Variants in RNF182 observed in about 807,000 individuals in gnomAD.
The protein encoded by RNF182 is ring finger protein 182.
Under a neutral mutation model 14.4 loss-of-function variants are expected in RNF182, and 15 were observed. The ratio of observed to expected loss-of-function variants is 1.04; its 90% CI spans 0.70 to 1.60. RNF182 has a LOEUF of 1.60. Ranked by LOEUF, RNF182 falls within the 40% of genes most tolerant of loss-of-function variation. RNF182 has a pLI of 0.00. For missense variants in RNF182, 268 were observed against 294.8 expected (o/e 0.91, Z 0.67); for synonymous variants, 128 against 122.9 (o/e 1.04, Z -0.27).
chr6:13,947,184 A>G (rs1045479050), intron 1 of RNF182, among the ~76,000 whole-genome samples: 3 of 152,168 alleles, frequency 2.0e-5, no homozygotes, highest in Admixed American at 1.3e-4. Flanking sequence ...ATCATGCCTC[A>G]TGTTTCTTTT....
At chr6:13,953,529 G>A (rs1393869875) in intron 1 of RNF182, among the ~76,000 whole-genome samples, 1 of 152,156 alleles carries the variant, frequency 6.6e-6, no homozygotes, top group Non-Finnish European at 1.5e-5. Flanking sequence ...AGTGGAGGAA[G>A]AGTCCAGTGT....
intron 1 of RNF182, among the ~76,000 whole-genome samples, chr6:13,960,000 T>C (rs1759826940): frequency 2.0e-5 from 3 of 151,004 alleles, no homozygotes; most frequent in South Asian, 4.2e-4. Flanking sequence ...AGAGATTTGA[T>C]AGAAGAGGAG....
At chr6:13,976,377 T>G (rs1760324131) in intron 2 of RNF182, among the ~76,000 whole-genome samples, 1 of 152,208 alleles carries the variant, frequency 6.6e-6, no homozygotes. Flanking sequence ...ACTGAGAAGG[T>G]AAGAACAGTC....
chr6:13,967,458 T>TGATA (rs1249191069), intron 1 of RNF182, among the ~76,000 whole-genome samples: 1 of 152,226 alleles, frequency 6.6e-6, no homozygotes, highest in African/African-American at 2.4e-5. Flanking sequence ...TTTTGACCTG[T>TGATA]GATAACCTTG....
chr6:13,979,297 AAAC>A lies in RNF182; in HGVS notation c.*1436_*1438del, dbSNP rs1449259404. On this transcript the variant is annotated 3_prime_UTR_variant, in exon 3 of 3. Coordinates refer to ENST00000488300, the MANE Select transcript of RNF182 (RefSeq NM_152737.4). Reference sequence around the variant, plus strand: ...ACAGAAACTAGGCAAAAATTTAAAAAAACATTCTAGTCTCTAAAACCCATTACT... The same window carrying A: ...ACAGAAACTAGGCAAAAATTTAAAAAATTCTAGTCTCTAAAACCCATTACT... 2 of 166,508 alleles carry A rather than the reference AAAC, an allele frequency of 1.2e-5. No homozygotes were observed. Among genetic ancestry groups the A allele is most frequent in the South Asian group, 2.1e-4 (1 of 4,834 alleles). 10.3% of individuals were successfully genotyped at this position (166,508 alleles called of 1,614,324 possible). A position where few individuals can be genotyped will look rare whatever the true frequency, so the allele number is the denominator to read the frequency against.
chr6:13,975,343 G>A (rs1760296167), intron 2 of RNF182, among the ~76,000 whole-genome samples: 1 of 152,146 alleles, frequency 6.6e-6, no homozygotes, highest in African/African-American at 2.4e-5. Context: ...GGGAAATTAG[G>A]GCACATGGAA....
At chr6:13,933,466 A>G (rs891304450) in intron 1 of RNF182, among the ~76,000 whole-genome samples, 6 of 151,960 alleles carry the variant, frequency 3.9e-5, no homozygotes, top group Admixed American at 3.3e-4. Flanking sequence ...TCAGGTTTCC[A>G]TGAGCCATGA....
chr6:13,958,404 T>G (rs1221516949), intron 1 of RNF182, among the ~76,000 whole-genome samples: 1 of 151,996 alleles, frequency 6.6e-6, no homozygotes, highest in Non-Finnish European at 1.5e-5. Flanking sequence ...ATAATAATAA[T>G]AAAATCTATA....
intron 1 of RNF182, among the ~76,000 whole-genome samples, chr6:13,957,702 CT>C (rs1759764821): frequency 6.6e-6 from 1 of 152,210 alleles, no homozygotes; most frequent in Non-Finnish European, 1.5e-5. Flanking sequence ...AAAATAATAC[CT>C]TTGTGGCTTT....
chr6:13,932,634 G>C (rs1759001803), intron 1 of RNF182, among the ~76,000 whole-genome samples: 2 of 152,060 alleles, frequency 1.3e-5, no homozygotes, highest in East Asian at 3.9e-4. Flanking sequence ...AATTAATATT[G>C]TATAGACATA....
chr6:13,949,488 A>C, intron 1 of RNF182: 1 of 591,610 alleles, frequency 1.7e-6, no homozygotes, highest in Non-Finnish European at 3.1e-6. Context: ...GGTTATAAGA[A>C]AAAATTACGG....
chr6:13,953,031 A>G (rs1269295862), intron 1 of RNF182, among the ~76,000 whole-genome samples: 2 of 152,186 alleles, frequency 1.3e-5, no homozygotes, highest in Non-Finnish European at 2.9e-5. Context: ...GCAAAACTTA[A>G]ACTAAGAATG....
chr6:13,967,951 A>G (rs1296207801), intron 1 of RNF182, among the ~76,000 whole-genome samples: 2 of 152,206 alleles, frequency 1.3e-5, no homozygotes, highest in South Asian at 2.1e-4. Context: ...TCCACAAGCT[A>G]TGGGATAGAG....
At chr6:13,940,980 A>G (rs1490773644) in intron 1 of RNF182, among the ~76,000 whole-genome samples, 1 of 152,032 alleles carries the variant, frequency 6.6e-6, no homozygotes, top group East Asian at 1.9e-4. Context: ...TATGGCCTGG[A>G]TATGATCATT....
chr6:13,937,321 G>C (rs1370917942), intron 1 of RNF182, among the ~76,000 whole-genome samples: 2 of 152,130 alleles, frequency 1.3e-5, no homozygotes, highest in Non-Finnish European at 2.9e-5. Flanking sequence ...GCCTTTTTCA[G>C]TTATTACCTG....
At chr6:13,938,004 G>GTTTTTTTTTTTTTTT (rs70989897) in intron 1 of RNF182, among the ~76,000 whole-genome samples, 1 of 79,598 alleles carries the variant, frequency 1.3e-5, no homozygotes, top group Non-Finnish European at 2.2e-5. Flanking sequence ...TTTTCTTACT[G>GTTTTTTTTTTTTTTT]TTTTTTTTTT....
In RNF182 at chr6:13,976,994, T is replaced by C; in HGVS notation, c.-126T>C. 9.8e-7 allele frequency: 1 copy of C among 1,017,980 alleles called. No individual in the cohort carries two copies. The highest frequency in any genetic ancestry group is 1.4e-6 in the Non-Finnish European group (1 of 691,736). The allele number at this position is 1,017,980 out of a possible 1,614,324, so 63.1% of individuals were successfully genotyped here. A position where few individuals can be genotyped will look rare whatever the true frequency, so the allele number is the denominator to read the frequency against. On this transcript the variant is annotated 5_prime_UTR_variant, in exon 3 of 3. Transcript: ENST00000488300. Reference sequence around the variant, plus strand: ...ATGCCTGGAAGATTTCTGGTTTCTTTCACTACTTATCCTGCCTTTTTGCAT... The same window carrying C: ...ATGCCTGGAAGATTTCTGGTTTCTTCCACTACTTATCCTGCCTTTTTGCAT...
At chr6:13,966,093 A>G (rs1436274312) in intron 1 of RNF182, among the ~76,000 whole-genome samples, 1 of 152,254 alleles carries the variant, frequency 6.6e-6, no homozygotes, top group East Asian at 1.9e-4. Flanking sequence ...ATACAAAAGA[A>G]TAGTCTATAG....
intron 1 of RNF182, among the ~76,000 whole-genome samples, chr6:13,931,414 T>C (rs1490416045): frequency 6.6e-6 from 1 of 152,072 alleles, no homozygotes; most frequent in Non-Finnish European, 1.5e-5. Flanking sequence ...GATTTCCTTG[T>C]TTTAGGATGC....
Sources: gnomAD v4.1 joint callset for allele counts (sites outside exome capture counted in the v4.1 genomes callset) on GRCh38, gnomAD v4.1.1 for gene constraint, MANE v1.5 for transcripts, NCBI Gene and HGNC (gene_info 2026-07-23, HGNC 2026-07-21) for gene names.